Variants in CNTN3 observed in about 807,000 individuals in gnomAD.
The protein encoded by CNTN3 is contactin-3.
A neutral mutation model predicts 119.1 loss-of-function variants in CNTN3; 60 were observed. The observed-to-expected ratio is 0.50, with a 90% confidence interval of 0.41 to 0.62. CNTN3 has a LOEUF of 0.62. CNTN3 is among the 20% of genes least tolerant of loss of function. The pLI, the probability that CNTN3 is intolerant of heterozygous loss-of-function variation, is 0.00. For synonymous variants in CNTN3, 450 were observed against 438.7 expected (o/e 1.03, Z -0.32); for missense variants, 1,101 against 1,242.4 (o/e 0.89, Z 1.71).
At chr3:74,350,739 C>T (rs1022002886) in intron 11 of CNTN3, among the ~76,000 whole-genome samples, 1 of 151,894 alleles carries the variant, frequency 6.6e-6, no homozygotes, top group African/African-American at 2.4e-5. Context: ...ACTATACAGC[C>T]ATAAAACAGA....
At chr3:74,543,111 C>G (rs988669494) in intron 1 of CNTN3, among the ~76,000 whole-genome samples, 2 of 151,890 alleles carry the variant, frequency 1.3e-5, no homozygotes, top group African/African-American at 4.8e-5. Context: ...CCCTGGGCAA[C>G]TGAGCAAGAC....
chr3:74,366,772 G>GTATATA (rs1308606541), intron 8 of CNTN3, among the ~76,000 whole-genome samples: 3 of 43,476 alleles, frequency 6.9e-5, no homozygotes, highest in African/African-American at 3.8e-4. Flanking sequence ...GTGTGTGTGT[G>GTATATA]TGTGTGTGTA....
intron 19 of CNTN3, among the ~76,000 whole-genome samples, chr3:74,285,822 TATATATATATATATATAA>T (rs1702104489): frequency 8.0e-6 from 1 of 125,194 alleles, no homozygotes; most frequent in Admixed American, 7.7e-5. Flanking sequence ...TATATATATA[TATATATATATATATATAA>T]AATTAAAAAT....
intron 20 of CNTN3, among the ~76,000 whole-genome samples, chr3:74,277,615 C>A (rs543188955): frequency 2.0e-5 from 3 of 151,992 alleles, no homozygotes; most frequent in Non-Finnish European, 4.4e-5. Context: ...AAGGGACATA[C>A]CTCAATGTAA....
chr3:74,590,121 TATA>T (rs1704675087), intron 1 of CNTN3, among the ~76,000 whole-genome samples: 3 of 151,452 alleles, frequency 2.0e-5, no homozygotes, highest in South Asian at 4.2e-4. Flanking sequence ...TAAAAAAAAG[TATA>T]ATAATAATAA....
chr3:74,453,981 T>C (rs1209272396), intron 4 of CNTN3, among the ~76,000 whole-genome samples: 1 of 150,738 alleles, frequency 6.6e-6, no homozygotes, highest in East Asian at 2.0e-4. Flanking sequence ...AAAAAATGTA[T>C]GTTCTGTTGA....
intron 1 of CNTN3, among the ~76,000 whole-genome samples, chr3:74,561,513 CT>C (rs1458884332): frequency 1.3e-5 from 2 of 152,128 alleles, no homozygotes; most frequent in Non-Finnish European, 2.9e-5. Context: ...TTGTTGAAGT[CT>C]ATCTACAAAG....
chr3:74,494,828 G>A (rs146266040), intron 3 of CNTN3, among the ~76,000 whole-genome samples: 1 of 152,196 alleles, frequency 6.6e-6, no homozygotes, highest in Non-Finnish European at 1.5e-5. Context: ...CACTTTTAAA[G>A]GAGTTACAGC....
intron 20 of CNTN3, among the ~76,000 whole-genome samples, chr3:74,284,140 TTTAAG>T (rs1184888711): frequency 6.6e-6 from 1 of 152,144 alleles, no homozygotes; most frequent in Non-Finnish European, 1.5e-5. Context: ...CTTACATTAC[TTTAAG>T]TTAACCATAA....
intron 1 of CNTN3, among the ~76,000 whole-genome samples, chr3:74,564,890 T>C (rs977742752): frequency 2.0e-5 from 3 of 152,064 alleles, no homozygotes; most frequent in Non-Finnish European, 4.4e-5. Context: ...CAATGAAATG[T>C]GATGTTAGAG....
chr3:74,596,822 A>T (rs1379290954), intron 1 of CNTN3, among the ~76,000 whole-genome samples: 1 of 152,112 alleles, frequency 6.6e-6, no homozygotes, highest in Non-Finnish European at 1.5e-5. Context: ...GGGTTCTTCA[A>T]TCTGGAAATG....
intron 13 of CNTN3, among the ~76,000 whole-genome samples, chr3:74,323,000 A>T (rs1427928446): frequency 6.6e-6 from 1 of 152,210 alleles, no homozygotes; most frequent in Non-Finnish European, 1.5e-5. Context: ...GGCTGGAAGA[A>T]ATGAACAGGC....
At chr3:74,476,697 A>C (rs1183431433) in intron 4 of CNTN3, among the ~76,000 whole-genome samples, 1 of 152,284 alleles carries the variant, frequency 6.6e-6, no homozygotes, top group East Asian at 1.9e-4. Flanking sequence ...GGGTCAAATA[A>C]TCAGAAAATA....
At chr3:74,265,417 A>G (rs977581828) in intron 22 of CNTN3, among the ~76,000 whole-genome samples, 2 of 152,174 alleles carry the variant, frequency 1.3e-5, no homozygotes, top group African/African-American at 2.4e-5. Context: ...GCACATATTC[A>G]TTATTTCAAA....
At chr3:74,319,063 T>A (rs1702912250) in intron 13 of CNTN3, among the ~76,000 whole-genome samples, 1 of 152,106 alleles carries the variant, frequency 6.6e-6, no homozygotes, top group Non-Finnish European at 1.5e-5. Context: ...GTAGGAAGAA[T>A]CAATATCGTT....
At chr3:74,434,230 T>C (rs1701830750) in intron 4 of CNTN3, among the ~76,000 whole-genome samples, 1 of 152,230 alleles carries the variant, frequency 6.6e-6, no homozygotes, top group Non-Finnish European at 1.5e-5. Flanking sequence ...GTGGGTACAA[T>C]ATCCACTCTT....
At chr3:74,337,759 A>T (rs1703432861) in intron 11 of CNTN3, among the ~76,000 whole-genome samples, 1 of 152,102 alleles carries the variant, frequency 6.6e-6, no homozygotes, top group Non-Finnish European at 1.5e-5. Flanking sequence ...ACACAGCCAA[A>T]CCATATCAAC....
intron 22 of CNTN3, 118 bp downstream of exon 22, chr3:74,266,363 G>A: frequency 9.4e-7 from 1 of 1,068,674 alleles, no homozygotes; most frequent in Non-Finnish European, 1.4e-6. Flanking sequence ...AACCTTACCG[G>A]CATTTGGATG....
At chr3:74,485,136 CAT>C (rs138344321) in intron 4 of CNTN3, among the ~76,000 whole-genome samples, 5 of 151,324 alleles carry the variant, frequency 3.3e-5, no homozygotes, top group East Asian at 3.9e-4. Flanking sequence ...CATATCCAAA[CAT>C]ATATATATAT....
Sources: gnomAD v4.1 joint callset for allele counts (sites outside exome capture counted in the v4.1 genomes callset) on GRCh38, gnomAD v4.1.1 for gene constraint, MANE v1.5 for transcripts, NCBI Gene and HGNC (gene_info 2026-07-23, HGNC 2026-07-21) for gene names.